The following TMEM67 variants were observed in gnomAD, a reference collection of about 807,000 sequenced individuals.
TMEM67 encodes transmembrane protein 67.
A neutral mutation model predicts 136.6 loss-of-function variants in TMEM67; 124 were observed. That is an observed-to-expected ratio of 0.91 (90% CI 0.78 to 1.05). The LOEUF is 1.05. Among genes scored for constraint, TMEM67 ranks in the 50% least tolerant of loss-of-function variants. TMEM67 has a pLI of 0.00. For synonymous variants in TMEM67, 364 were observed against 390.5 expected (o/e 0.93, Z 0.80); for missense variants, 1,107 against 1,178.4 (o/e 0.94, Z 0.89).
chr8:93,765,970 A>G (rs1054098207), intron 6 of TMEM67, among the ~76,000 whole-genome samples: 1 of 152,090 alleles, frequency 6.6e-6, no homozygotes, highest in African/African-American at 2.4e-5. Context: ...GCAAGTCATT[A>G]GTTTGGTATC....
At chr8:93,815,257 G>C (rs374226527) in intron 26 of TMEM67, 48 bp from the exon 27 acceptor site, 11 of 1,338,416 alleles carry the variant, frequency 8.2e-6, no homozygotes, top group Admixed American at 4.4e-5. Flanking sequence ...TCACAGACTT[G>C]TTCCTTTTTT....
At chr8:93,757,615 A>G (rs1038757378) in intron 2 of TMEM67, among the ~76,000 whole-genome samples, 44 of 151,462 alleles carry the variant, frequency 2.9e-4, no homozygotes, top group African/African-American at 8.5e-4. Flanking sequence ...CAGCCTGGCA[A>G]CAGAGCAAAG....
chr8:93,773,287 A>C (rs1428900794), intron 7 of TMEM67, among the ~76,000 whole-genome samples: 2 of 152,182 alleles, frequency 1.3e-5, no homozygotes, highest in Non-Finnish European at 2.9e-5. Flanking sequence ...CAGAGTGAGC[A>C]GGGAAAGTGG....
In TMEM67 at chr8:93,815,353, C is replaced by T. The variant is rs1291492927; in HGVS notation, c.2813C>T (p.Thr938Ile). 1.2e-6 allele frequency: 2 copies of T among 1,610,480 alleles called. No homozygotes were observed. The highest frequency in any genetic ancestry group is 8.5e-7 in the Non-Finnish European group (1 of 1,177,840). Residue 938 changes from threonine to isoleucine, a missense_variant, in exon 27 of 28, where the codon ACT becomes ATT. This residue lies in a region of TMEM67 where 925 missense variants were observed against 1,002.4 expected (regional missense o/e 0.92). Coordinates refer to ENST00000453321, the MANE Select transcript of TMEM67 (RefSeq NM_153704.6). The part of the protein sequence containing the change: ...SSVLYYGNEA[T>I]LLIFDLLFFC... ...GTCCTGTATTATGGAAATGAAGCTA[C>T]TCTTCTTATTTTTGATCTGCTGTTC...
At chr8:93,812,899 G>A (rs1479280896) in intron 26 of TMEM67, among the ~76,000 whole-genome samples, 2 of 151,418 alleles carry the variant, frequency 1.3e-5, no homozygotes, top group African/African-American at 2.4e-5. Context: ...CCACACCTGG[G>A]TAATTTTTGT....
the TMEM67 span, among the ~76,000 whole-genome samples, chr8:93,829,191 G>A: frequency 6.6e-6 from 1 of 152,036 alleles, no homozygotes; most frequent in East Asian, 1.9e-4. Flanking sequence ...TACACCTGTC[G>A]GTCGCACTTT....
intron 3 of TMEM67, among the ~76,000 whole-genome samples, chr8:93,760,182 T>G (rs1178643303): frequency 6.6e-6 from 1 of 152,184 alleles, no homozygotes; most frequent in African/African-American, 2.4e-5. Flanking sequence ...AGTCTGAAGT[T>G]TAACAGGAAA....
chr8:93,763,752 C>T (rs1812953199), intron 3 of TMEM67, 90 bp from the exon 4 acceptor site: 1 of 824,290 alleles, frequency 1.2e-6, no homozygotes, highest in Non-Finnish European at 2.1e-6. Context: ...ATAATAGTTA[C>T]AATTGGGTTT....
intron 2 of TMEM67, among the ~76,000 whole-genome samples, chr8:93,757,715 G>A (rs1281818033): frequency 1.3e-5 from 2 of 150,448 alleles, no homozygotes; most frequent in African/African-American, 2.4e-5. Flanking sequence ...TAACAACTAT[G>A]TGTATAATTT....
chr8:93,774,306 T>G (rs1813444920), intron 7 of TMEM67, among the ~76,000 whole-genome samples: 1 of 152,208 alleles, frequency 6.6e-6, no homozygotes, highest in African/African-American at 2.4e-5. Context: ...TGAGCCACCA[T>G]GCCCGGCTTA....
chr8:93,762,398 T>G (rs1372282716), intron 3 of TMEM67, among the ~76,000 whole-genome samples: 1 of 151,174 alleles, frequency 6.6e-6, no homozygotes, highest in African/African-American at 2.4e-5. Flanking sequence ...GGTCTTACTA[T>G]ATATCTCAAG....
At chr8:93,786,407 T>A in intron 13 of TMEM67, 61 bp downstream of exon 13, 1 of 1,570,472 alleles carries the variant, frequency 6.4e-7, no homozygotes, top group Non-Finnish European at 8.7e-7. Flanking sequence ...TGTTTGCCAG[T>A]CATTAGTAGA....
intron 3 of TMEM67, chr8:93,759,136 A>G (rs1434686643): frequency 2.6e-5 from 4 of 152,314 alleles, no homozygotes; most frequent in African/African-American, 9.7e-5. Flanking sequence ...CTGGAAAAGG[A>G]TGCAAACTAT....
At chr8:93,793,116 G>A (rs1157007791) in intron 15 of TMEM67, 82 bp from the exon 16 acceptor site, 6 of 1,281,994 alleles carry the variant, frequency 4.7e-6, no homozygotes, top group Non-Finnish European at 6.8e-6. Context: ...ATTTTTTTGA[G>A]CACTTCCTTA....
the TMEM67 span, among the ~76,000 whole-genome samples, chr8:93,828,319 C>A: frequency 6.6e-6 from 1 of 152,166 alleles, no homozygotes; most frequent in Non-Finnish European, 1.5e-5. Flanking sequence ...CCACCATCAC[C>A]ACCATCATCA....
Position 93,816,554 on chromosome 8 carries a change from T to G in TMEM67, c.*102T>G, listed in dbSNP as rs1228315935. The G allele has an allele frequency of 1.6e-6, 1 of 613,064 alleles. No individual in the cohort carries two copies. The highest frequency in any genetic ancestry group is 2.3e-5 in the South Asian group (1 of 43,978). 38.0% of individuals were successfully genotyped at this position (613,064 alleles called of 1,614,324 possible). A position where few individuals can be genotyped will look rare whatever the true frequency, so the allele number is the denominator to read the frequency against. On this transcript the variant is annotated 3_prime_UTR_variant, in exon 28 of 28. Coordinates refer to ENST00000453321, the MANE Select transcript of TMEM67 (RefSeq NM_153704.6). Reference sequence around the variant, plus strand: ...ATTTTTTAAAACTTATAATGCAGACTATTCTGTTTTTGTTTTTTATTTGCA... The same window carrying G: ...ATTTTTTAAAACTTATAATGCAGACGATTCTGTTTTTGTTTTTTATTTGCA...
At chr8:93,812,943 T>G (rs1015622057) in intron 26 of TMEM67, among the ~76,000 whole-genome samples, 3 of 150,678 alleles carry the variant, frequency 2.0e-5, no homozygotes, top group Admixed American at 1.3e-4. Context: ...ACCATGTTGG[T>G]CAGGCTGGTC....
At chr8:93,814,551 CA>C (rs1204416183) in intron 26 of TMEM67, among the ~76,000 whole-genome samples, 4 of 151,658 alleles carry the variant, frequency 2.6e-5, no homozygotes, top group Non-Finnish European at 5.9e-5. Flanking sequence ...GCTATAACCT[CA>C]AACTCCTTGG....
At chr8:93,827,764 C>CA in the TMEM67 span, among the ~76,000 whole-genome samples, 1 of 141,924 alleles carries the variant, frequency 7.0e-6, no homozygotes. Flanking sequence ...GGCTTCCCTT[C>CA]TTTTTTTTTT....
Sources: allele counts gnomAD v4.1 joint callset (sites outside exome capture counted in the v4.1 genomes callset), GRCh38; gene constraint gnomAD v4.1.1; regional missense constraint gnomAD v4.1.1; transcripts MANE v1.5; gene names NCBI Gene and HGNC (gene_info 2026-07-23, HGNC 2026-07-21).